KCNJ6: variants seen among roughly 807,000 people sequenced by gnomAD.
KCNJ6 encodes the protein potassium inwardly rectifying channel subfamily J member 6.
In KCNJ6, 9 loss-of-function variants were observed where a neutral mutation model predicts 34.2. That is an observed-to-expected ratio of 0.26 (90% CI 0.16 to 0.46). KCNJ6 has a LOEUF of 0.46. Among genes scored for constraint, KCNJ6 ranks in the 20% least tolerant of loss-of-function variants. The probability of loss-of-function intolerance (pLI) is 1.00; values close to 1 mark genes in which losing one functional copy is unlikely to be tolerated. For synonymous variants in KCNJ6, 196 were observed against 207.1 expected (o/e 0.95, Z 0.46); for missense variants, 236 against 531.3 (o/e 0.44, Z 5.46).
chr21:37,825,773 G>A (rs1323917918), intron 2 of KCNJ6, among the ~76,000 whole-genome samples: 1 of 152,210 alleles, frequency 6.6e-6, no homozygotes, highest in African/African-American at 2.4e-5. Context: ...CATGGCAGAA[G>A]GTGAGGGAAG....
At chr21:37,852,340 C>G (rs2055541824) in intron 1 of KCNJ6, among the ~76,000 whole-genome samples, 1 of 152,158 alleles carries the variant, frequency 6.6e-6, no homozygotes, top group African/African-American at 2.4e-5. Flanking sequence ...TAGAGGAGGG[C>G]CAGTATAGAG....
intron 1 of KCNJ6, among the ~76,000 whole-genome samples, chr21:37,885,337 A>T (rs2055730027): frequency 6.6e-6 from 1 of 152,114 alleles, no homozygotes; most frequent in South Asian, 2.1e-4. Context: ...CTTGTGTCTT[A>T]TGGTAGGCAG....
intron 1 of KCNJ6, among the ~76,000 whole-genome samples, chr21:37,841,621 T>C (rs2055481297): frequency 6.6e-6 from 1 of 152,228 alleles, no homozygotes; most frequent in Non-Finnish European, 1.5e-5. Flanking sequence ...TGTGCATATT[T>C]ACAGATATGG....
intron 2 of KCNJ6, among the ~76,000 whole-genome samples, chr21:37,809,457 A>G (rs2055311024): frequency 6.6e-6 from 1 of 151,984 alleles, no homozygotes; most frequent in Admixed American, 6.5e-5. Context: ...GCACACCAAC[A>G]TGGCACATGT....
chr21:37,857,604 C>G (rs1317559744), intron 1 of KCNJ6, among the ~76,000 whole-genome samples: 1 of 152,182 alleles, frequency 6.6e-6, no homozygotes, highest in Non-Finnish European at 1.5e-5. Context: ...TCTGACAAAG[C>G]CCGGAATTAG....
intron 2 of KCNJ6, among the ~76,000 whole-genome samples, chr21:37,767,113 T>A (rs759962076): frequency 6.6e-6 from 1 of 152,134 alleles, no homozygotes; most frequent in Non-Finnish European, 1.5e-5. Context: ...GGTCTCCCCA[T>A]CCTCAACACA....
chr21:37,764,829 T>C (rs553538583), intron 2 of KCNJ6, among the ~76,000 whole-genome samples: 1 of 152,108 alleles, frequency 6.6e-6, no homozygotes, highest in East Asian at 1.9e-4. Flanking sequence ...GAGGGGAGAA[T>C]TGAGGGTGGT....
chr21:37,798,270 G>A (rs1388664290), intron 2 of KCNJ6, among the ~76,000 whole-genome samples: 4 of 152,154 alleles, frequency 2.6e-5, no homozygotes, highest in East Asian at 1.9e-4. Context: ...GGGGCACAGC[G>A]GAGCAAGCAG....
At chr21:37,856,316 C>T (rs888572441) in intron 1 of KCNJ6, among the ~76,000 whole-genome samples, 1 of 152,216 alleles carries the variant, frequency 6.6e-6, no homozygotes, top group Non-Finnish European at 1.5e-5. Flanking sequence ...CCAGCTTAAA[C>T]ATTTTCATTT....
intron 2 of KCNJ6, among the ~76,000 whole-genome samples, chr21:37,722,708 G>T (rs2054833068): frequency 6.6e-6 from 1 of 152,134 alleles, no homozygotes; most frequent in Non-Finnish European, 1.5e-5. Context: ...ATTTAATAAT[G>T]GTACTGGGAT....
In KCNJ6 at chr21:37,661,781, C is replaced by A. The variant is rs370337162; in HGVS notation, c.947-36297G>T. On this transcript the variant is annotated intron_variant, in intron 3 of 3. Transcript: ENST00000609713. The stretch of plus-strand genomic sequence containing the variant: ...GGGTCTACAGGCGCCGGCCACCATG[C>A]CCCGCTAATTTTTTCTATTTTTTTT... 7.2e-5 allele frequency among the ~76,000 whole-genome samples: 7 copies of A among 97,318 alleles called. No individual in the cohort carries two copies. The East Asian group carries it at 1.5e-3, about 21-fold the overall frequency. The allele number at this position is 97,318 out of a possible 152,430, so 63.8% of individuals were successfully genotyped here.
chr21:37,678,336 C>A (rs1292089324), intron 3 of KCNJ6, among the ~76,000 whole-genome samples: 1 of 152,152 alleles, frequency 6.6e-6, no homozygotes, highest in Non-Finnish European at 1.5e-5. Context: ...GCATGTTATC[C>A]TGTAATCCTG....
At chr21:37,731,343 A>G (rs1158395934) in intron 2 of KCNJ6, among the ~76,000 whole-genome samples, 1 of 152,176 alleles carries the variant, frequency 6.6e-6, no homozygotes, top group East Asian at 1.9e-4. Context: ...TAGAGAAAAA[A>G]AGACTTTCTA....
In KCNJ6 at chr21:37,714,986, C is replaced by G; in HGVS notation, c.171G>C (p.Val57=). ...DRTKRKIQRY[V]RKDGKCNVHH... Reference sequence around the variant, plus strand: ...GAACATTGCACTTTCCGTCTTTCCTCACGTACCTCTGGATTTTCCTTTTGG... The same window carrying G: ...GAACATTGCACTTTCCGTCTTTCCTGACGTACCTCTGGATTTTCCTTTTGG... Residue 57 remains valine, a synonymous_variant, in exon 3 of 4, where the codon GTG becomes GTC. Transcript: ENST00000609713. This position sits in a 1 kb window ranked among gnomAD's most constrained non-coding sequence, Gnocchi z 5.9. 6.2e-7 allele frequency: 1 copy of G among 1,614,234 alleles called. No homozygotes were observed. The highest frequency in any genetic ancestry group is 8.5e-7 in the Non-Finnish European group (1 of 1,180,050).
At chr21:37,655,100 A>C (rs2054451592) in intron 3 of KCNJ6, among the ~76,000 whole-genome samples, 1 of 151,754 alleles carries the variant, frequency 6.6e-6, no homozygotes, top group Non-Finnish European at 1.5e-5. Flanking sequence ...TGGTGACATC[A>C]TTTGAGTTCC....
At chr21:37,853,846 G>GTGTATATATATATATATATACATACA (rs71198897) in intron 1 of KCNJ6, among the ~76,000 whole-genome samples, 1 of 115,992 alleles carries the variant, frequency 8.6e-6, no homozygotes, top group African/African-American at 4.0e-5. Flanking sequence ...ATATATATAT[G>GTGTATATATATATATATATACATACA]TATATATATA....
At chr21:37,711,348 G>A (rs1022155707) in intron 3 of KCNJ6, among the ~76,000 whole-genome samples, 1 of 152,204 alleles carries the variant, frequency 6.6e-6, no homozygotes, top group Admixed American at 6.5e-5. Flanking sequence ...AGGGCACCGC[G>A]TGAAGGTGGC....
intron 2 of KCNJ6, among the ~76,000 whole-genome samples, chr21:37,767,004 G>A (rs1027477913): frequency 6.6e-6 from 1 of 152,110 alleles, no homozygotes; most frequent in Non-Finnish European, 1.5e-5. Context: ...TGGAAAAATT[G>A]TCTTCCACAA....
chr21:37,686,915 G>T (rs963648491), intron 3 of KCNJ6, among the ~76,000 whole-genome samples: 40 of 152,100 alleles, frequency 2.6e-4, no homozygotes, highest in Non-Finnish European at 5.3e-4. Context: ...GTGGGCAGAG[G>T]TGGGGTGGGC....
Sources: allele counts gnomAD v4.1 joint callset (sites outside exome capture counted in the v4.1 genomes callset), GRCh38; gene constraint gnomAD v4.1.1; non-coding constraint Gnocchi (gnomAD v3.1); transcripts MANE v1.5; gene names NCBI Gene and HGNC (gene_info 2026-07-23, HGNC 2026-07-21).